Variants in NPAS3 observed in about 807,000 individuals in gnomAD.
The protein encoded by NPAS3 is neuronal PAS domain-containing protein 3.
In NPAS3, 14 loss-of-function variants were observed where a neutral mutation model predicts 73.1. The ratio of observed to expected loss-of-function variants is 0.19; its 90% confidence interval spans 0.13 to 0.30. The LOEUF (loss-of-function observed/expected upper bound fraction) is 0.30, where lower values mean the gene tolerates loss of function less well. Ranked by LOEUF, NPAS3 falls within the 10% of genes least tolerant of loss-of-function variation. The pLI is 1.00. For synonymous variants in NPAS3, 620 were observed against 541.5 expected (o/e 1.14, Z -2.01); for missense variants, 1,096 against 1,250.0 (o/e 0.88, Z 1.86).
intron 6 of NPAS3, among the ~76,000 whole-genome samples, chr14:33,679,271 C>G (rs2059865243): frequency 2.0e-5 from 3 of 152,186 alleles, no homozygotes; most frequent in Admixed American, 2.0e-4. Context: ...TATTTTCTAT[C>G]TGGGGCTTAA....
chr14:33,055,267 C>G (rs955805809), intron 1 of NPAS3, among the ~76,000 whole-genome samples: 1 of 152,100 alleles, frequency 6.6e-6, no homozygotes, highest in East Asian at 1.9e-4. Flanking sequence ...AGCTTTTTCC[C>G]CTTTTTGCCT....
At chr14:33,743,149 TC>T (rs1259670105) in intron 7 of NPAS3, among the ~76,000 whole-genome samples, 1 of 152,236 alleles carries the variant, frequency 6.6e-6, no homozygotes, top group East Asian at 1.9e-4. Flanking sequence ...GTGAATGCTT[TC>T]CAGAGGGTTT....
intron 4 of NPAS3, among the ~76,000 whole-genome samples, chr14:33,540,455 T>C (rs1195128388): frequency 6.6e-6 from 1 of 152,334 alleles, no homozygotes; most frequent in East Asian, 1.9e-4. Flanking sequence ...CCTTGCACGC[T>C]GGGAAGAAAA....
In NPAS3 at chr14:33,055,801, G is replaced by A. The variant is rs563190739; in HGVS notation, c.51-104G>A. On this transcript the variant is annotated intron_variant, in intron 1 of 11. Transcript: ENST00000356141. ...GCAATTGTGTGTAGAGCTCAAAAGC[G>A]TAAAAAGCAAAATATATTGAATTTC... The A allele has an allele frequency of 1.8e-3, 1,045 of 593,536 alleles. 21 individuals are homozygous for A. In the South Asian group the frequency reaches 0.022, roughly 13 times the overall value. The allele number at this position is 593,536 out of a possible 1,614,324, so 36.8% of individuals were successfully genotyped here.
chr14:33,050,908 G>C (rs1482714401), intron 1 of NPAS3, among the ~76,000 whole-genome samples: 1 of 152,182 alleles, frequency 6.6e-6, no homozygotes, highest in Non-Finnish European at 1.5e-5. Context: ...ATCTCTTTGG[G>C]CCATCCTCAG....
chr14:33,035,489 C>T (rs1474681718), intron 1 of NPAS3, among the ~76,000 whole-genome samples: 3 of 152,178 alleles, frequency 2.0e-5, no homozygotes, highest in Non-Finnish European at 4.4e-5. Context: ...TCTTACACAT[C>T]TTCAAATCCC....
At chr14:33,491,165 T>A (rs2051875646) in intron 4 of NPAS3, among the ~76,000 whole-genome samples, 1 of 152,108 alleles carries the variant, frequency 6.6e-6, no homozygotes, top group Admixed American at 6.6e-5. Flanking sequence ...GGAAGACAGC[T>A]ACAAATAGAA....
chr14:33,408,852 GC>G (rs1216422963), intron 4 of NPAS3, among the ~76,000 whole-genome samples: 3 of 152,200 alleles, frequency 2.0e-5, no homozygotes, highest in East Asian at 3.9e-4. Flanking sequence ...TCATAGCATG[GC>G]AAAAGTTCTT....
At chr14:33,584,776 G>A (rs532636194) in intron 5 of NPAS3, among the ~76,000 whole-genome samples, 1 of 152,142 alleles carries the variant, frequency 6.6e-6, no homozygotes, top group Admixed American at 6.5e-5. Flanking sequence ...AATAGTGTTA[G>A]AGCACAGCCC....
intron 3 of NPAS3, among the ~76,000 whole-genome samples, chr14:33,229,811 G>A (rs78425993): frequency 0.083 from 12,608 of 152,234 alleles, 704 homozygotes; most frequent in Non-Finnish European, 0.13. Flanking sequence ...TTCAGGAAAG[G>A]GGGGTTGCAC....
chr14:33,689,037 A>G (rs1566427633), intron 6 of NPAS3, among the ~76,000 whole-genome samples: 1 of 152,202 alleles, frequency 6.6e-6, no homozygotes, highest in Non-Finnish European at 1.5e-5. Flanking sequence ...GAAGATGACA[A>G]TCCTGACCGA....
At chr14:33,112,317 C>T (rs1393165300) in intron 2 of NPAS3, among the ~76,000 whole-genome samples, 1 of 152,192 alleles carries the variant, frequency 6.6e-6, no homozygotes, top group African/African-American at 2.4e-5. Context: ...TTCTCCACAT[C>T]CTCTCCAGTA....
Position 33,155,059 on chromosome 14 carries a change from T to G in NPAS3, c.141-60123T>G, listed in dbSNP as rs190654095. ...CTAAAAGTATAAAAATATTTTAAAC[T>G]CACAGACTAAACAAAAACTGGTGCT... On this transcript the variant is annotated intron_variant, in intron 2 of 11. Transcript: ENST00000356141. Among the ~76,000 whole-genome samples the G allele has an allele frequency of 1.1e-3, 162 of 152,360 alleles. 1 individual carries two copies. The highest frequency in any genetic ancestry group is 3.7e-3 in the African/African-American group (154 of 41,594).
chr14:33,310,138 C>T (rs1014102179), intron 3 of NPAS3, among the ~76,000 whole-genome samples: 1 of 152,138 alleles, frequency 6.6e-6, no homozygotes, highest in Admixed American at 6.5e-5. Flanking sequence ...GGTACAACAT[C>T]CATGTGTACA....
intron 2 of NPAS3, among the ~76,000 whole-genome samples, chr14:33,142,667 C>A (rs1450559362): frequency 6.6e-6 from 1 of 152,168 alleles, no homozygotes; most frequent in African/African-American, 2.4e-5. Flanking sequence ...TAAGGAATAT[C>A]TATTTGATCT....
Position 33,660,123 on chromosome 14 carries a change from G to A in NPAS3, c.559-16088G>A, listed in dbSNP as rs189994049. ...AATGAAAAAATGTTAAGGTAAAAAG[G>A]CAGAAATGAATACCTGGGTGCTAAT... On this transcript the variant is annotated intron_variant, in intron 5 of 11. Transcript: ENST00000356141. 6.9e-4 allele frequency among the ~76,000 whole-genome samples: 105 copies of A among 152,188 alleles called. 1 individual carries two copies. In the East Asian group the frequency reaches 9.3e-3, roughly 13 times the overall value.
rs71432096 is a variant in NPAS3 at position 32,962,569 on chromosome 14, CTTTTTTTTT to C, written c.50+23215_50+23223del. 1.9e-3 allele frequency among the ~76,000 whole-genome samples: 211 copies of C among 110,652 alleles called. 1 individual carries two copies. Among genetic ancestry groups the C allele is most frequent in the African/African-American group, 7.3e-3 (198 of 27,126 alleles). The allele number at this position is 110,652 out of a possible 152,430, so 72.6% of individuals were successfully genotyped here. On this transcript the variant is annotated intron_variant, in intron 1 of 11. Coordinates refer to ENST00000356141, the Ensembl canonical transcript of NPAS3. ...TCTTTCTTTCTTTCTTTTTTCTTTT[CTTTTTTTTT>C]TTTTTTTTTTTGAGACTGGGTCTCG...
intron 3 of NPAS3, among the ~76,000 whole-genome samples, chr14:33,272,094 G>A (rs868433909): frequency 6.6e-6 from 1 of 152,138 alleles, no homozygotes; most frequent in Non-Finnish European, 1.5e-5. Context: ...GCCTCCTTGC[G>A]TAGCACTTGT....
intron 3 of NPAS3, among the ~76,000 whole-genome samples, chr14:33,283,843 C>T (rs1419886393): frequency 6.6e-6 from 1 of 152,130 alleles, no homozygotes; most frequent in Non-Finnish European, 1.5e-5. Flanking sequence ...AAAGGTTTCT[C>T]TATGGTCCTA....
Sources: allele counts gnomAD v4.1 joint callset (sites outside exome capture counted in the v4.1 genomes callset), GRCh38; gene constraint gnomAD v4.1.1; transcripts MANE v1.5; gene names NCBI Gene and HGNC (gene_info 2026-07-23, HGNC 2026-07-21).